The following PYY variants were observed in gnomAD, a reference collection of about 807,000 sequenced individuals.
PYY encodes peptide tyrosine tyrosine.
In PYY, 12 loss-of-function variants were observed where a neutral mutation model predicts 10.3. The ratio of observed to expected loss-of-function variants is 1.17; its 90% confidence interval spans 0.75 to 1.89. PYY has a LOEUF of 1.89. Ranked by LOEUF, PYY falls within the 40% of genes most tolerant of loss-of-function variation. The pLI, the probability that PYY is intolerant of heterozygous loss-of-function variation, is 0.00. For missense variants in PYY, 141 were observed against 134.0 expected (o/e 1.05, Z -0.26); for synonymous variants, 66 against 62.0 (o/e 1.06, Z -0.30).
chr17:43,969,205 C>T (rs2048773062), intron 1 of PYY, among the ~76,000 whole-genome samples: 1 of 151,674 alleles, frequency 6.6e-6, no homozygotes, highest in Non-Finnish European at 1.5e-5. Context: ...CAATGCAAGG[C>T]TGGTTCAATA....
At chr17:44,004,355 G>A in intron 1 of PYY, 1 of 259,714 alleles carries the variant, frequency 3.9e-6, no homozygotes, top group Non-Finnish European at 7.2e-6. Context: ...ATCATCCAAG[G>A]CCCTGCAGAC....
intron 1 of PYY, among the ~76,000 whole-genome samples, chr17:43,995,439 TC>T (rs2048984760): frequency 6.6e-6 from 1 of 152,076 alleles, no homozygotes; most frequent in South Asian, 2.1e-4. Context: ...CAAGTGATTC[TC>T]CTGCCTCAGC....
At chr17:43,994,950 C>T (rs1411571779) in intron 1 of PYY, among the ~76,000 whole-genome samples, 1 of 152,162 alleles carries the variant, frequency 6.6e-6, no homozygotes, top group Non-Finnish European at 1.5e-5. Context: ...CGGGGCGGTT[C>T]CCACTAGCAC....
chr17:43,992,574 G>C (rs761527684), intron 1 of PYY, among the ~76,000 whole-genome samples: 1 of 152,098 alleles, frequency 6.6e-6, no homozygotes, highest in Non-Finnish European at 1.5e-5. Flanking sequence ...GGGTGTGGTG[G>C]TGCATGCCTG....
rs760418640 is a variant in PYY, at chr17:43,994,242, T to C, written c.-463+10149A>G. ...GTTCCCACTGCCAGGCCCCCCTCTC[T>C]CTGCCTGGGAACTGTTCTTATCTCC... On this transcript the variant is annotated intron_variant, in intron 1 of 6. Coordinates refer to the PYY transcript ENST00000360085. Among the ~76,000 whole-genome samples the C allele has an allele frequency of 3.9e-5, 6 of 152,054 alleles. 1 individual carries two copies. The highest frequency in any genetic ancestry group is 8.8e-5 in the Non-Finnish European group (6 of 68,020).
intron 1 of PYY, among the ~76,000 whole-genome samples, chr17:43,989,218 C>CA (rs1203765564): frequency 3.3e-5 from 5 of 151,784 alleles, no homozygotes; most frequent in African/African-American, 4.8e-5. Flanking sequence ...GCTAAAAATA[C>CA]AAAAAATTAG....
chr17:43,963,570 A>AAAGAAAGAAAG (rs2048728191), intron 2 of PYY, among the ~76,000 whole-genome samples: 7 of 104,646 alleles, frequency 6.7e-5, no homozygotes, highest in African/African-American at 2.5e-4. Context: ...GGAAGGAAGG[A>AAAGAAAGAAAG]AAAGAAAGAA....
chr17:43,998,387 G>T (rs971408219), intron 1 of PYY, among the ~76,000 whole-genome samples: 14 of 152,108 alleles, frequency 9.2e-5, no homozygotes, highest in South Asian at 4.1e-4. Flanking sequence ...ATGAAACCGT[G>T]TCTCTACTAA....
chr17:43,964,476 T>G (rs528564564), intron 2 of PYY, among the ~76,000 whole-genome samples: 1 of 152,356 alleles, frequency 6.6e-6, no homozygotes, highest in South Asian at 2.1e-4. Flanking sequence ...GCTGGCTGGA[T>G]GCGGTGGCTG....
At chr17:43,955,410 G>C (rs182335740), upstream of PYY, among the ~76,000 whole-genome samples, 2 of 152,324 alleles carry the variant, frequency 1.3e-5, no homozygotes, top group East Asian at 3.9e-4. Flanking sequence ...GAGATGGGGA[G>C]TTCAGGGCTC....
chr17:43,979,131 G>A (rs534272367), intron 1 of PYY, among the ~76,000 whole-genome samples: 38 of 152,296 alleles, frequency 2.5e-4, no homozygotes, highest in African/African-American at 8.4e-4. Context: ...AAAACTTGAT[G>A]TGTTTCCAGC....
intron 1 of PYY, among the ~76,000 whole-genome samples, chr17:43,976,701 G>T (rs942100066): frequency 6.6e-6 from 1 of 152,142 alleles, no homozygotes. Flanking sequence ...GAACCCGGGA[G>T]GTCAAGTTTG....
chr17:43,957,492 T>C (rs1287825153), upstream of PYY, among the ~76,000 whole-genome samples: 1 of 152,132 alleles, frequency 6.6e-6, no homozygotes, highest in Non-Finnish European at 1.5e-5. Flanking sequence ...ACCCCGTCTC[T>C]ACTAAAACTA....
At chr17:43,986,215 T>C (rs2048915108) in intron 1 of PYY, among the ~76,000 whole-genome samples, 1 of 152,058 alleles carries the variant, frequency 6.6e-6, no homozygotes, top group African/African-American at 2.4e-5. Context: ...GCCGAGATCA[T>C]GCCATTCATT....
intron 1 of PYY, among the ~76,000 whole-genome samples, chr17:44,000,611 G>A (rs1244719854): frequency 1.4e-5 from 2 of 140,958 alleles, no homozygotes. Flanking sequence ...CTGTCACACA[G>A]GCTGGAGTGC....
At chr17:43,985,282 C>T (rs1375358103) in intron 1 of PYY, among the ~76,000 whole-genome samples, 1 of 152,164 alleles carries the variant, frequency 6.6e-6, no homozygotes, top group Non-Finnish European at 1.5e-5. Flanking sequence ...GTGATCATAG[C>T]TCATTGCAAC....
intron 1 of PYY, among the ~76,000 whole-genome samples, chr17:43,975,666 C>T (rs186339991): frequency 6.7e-6 from 1 of 149,732 alleles, no homozygotes; most frequent in Admixed American, 6.7e-5. Context: ...CTGCAGTGAG[C>T]CGAGATCATA....
intron 1 of PYY, among the ~76,000 whole-genome samples, chr17:43,984,030 C>G (rs1356163719): frequency 2.0e-5 from 3 of 152,236 alleles, no homozygotes; most frequent in Non-Finnish European, 4.4e-5. Context: ...CGCGCCGCCC[C>G]ATTTGCACGC....
At chr17:44,001,843 T>C (rs2049029273) in intron 1 of PYY, among the ~76,000 whole-genome samples, 1 of 152,168 alleles carries the variant, frequency 6.6e-6, no homozygotes, top group Non-Finnish European at 1.5e-5. Flanking sequence ...GAAGGAATTC[T>C]GAGTGGAGAG....
Sources: gnomAD v4.1 joint callset for allele counts (sites outside exome capture counted in the v4.1 genomes callset) on GRCh38, gnomAD v4.1.1 for gene constraint, MANE v1.5 for transcripts, NCBI Gene and HGNC (gene_info 2026-07-23, HGNC 2026-07-21) for gene names.